Variants in MED27 observed in about 807,000 individuals in gnomAD.
The protein encoded by MED27 is mediator complex subunit 27, also known as mediator of RNA polymerase II transcription subunit 27.
A neutral mutation model predicts 38.2 loss-of-function variants in MED27; 30 were observed. The ratio of observed to expected loss-of-function variants is 0.79; its 90% confidence interval spans 0.59 to 1.07. The LOEUF (loss-of-function observed/expected upper bound fraction) is 1.07. Ranked by LOEUF, MED27 falls within the 50% of genes least tolerant of loss-of-function variation. The pLI is 0.00. For synonymous variants in MED27, 122 were observed against 153.5 expected, an observed-to-expected ratio of 0.79 and a Z score of 1.52; for missense variants, 289 against 397.5, an observed-to-expected ratio of 0.73 and a Z score of 2.32.
chr9:132,012,434 A>G (rs1247114584), intron 3 of MED27, among the ~76,000 whole-genome samples: 1 of 152,188 alleles, frequency 6.6e-6, no homozygotes, highest in Non-Finnish European at 1.5e-5. Context: ...CAACAGACAC[A>G]AGCTACTTGT....
intron 2 of MED27, among the ~76,000 whole-genome samples, chr9:132,026,162 G>C (rs561711882): frequency 2.0e-5 from 3 of 152,332 alleles, no homozygotes; most frequent in African/African-American, 7.2e-5. Flanking sequence ...AGCAGCAGCA[G>C]CCAGCTGGGA....
chr9:131,916,359 C>G (rs1463594392), intron 4 of MED27, among the ~76,000 whole-genome samples: 2 of 152,198 alleles, frequency 1.3e-5, no homozygotes, highest in South Asian at 4.1e-4. Flanking sequence ...ATCAGGACAA[C>G]CCGATTGTCT....
intron 4 of MED27, among the ~76,000 whole-genome samples, chr9:131,928,345 C>A (rs761822125): frequency 2.0e-5 from 3 of 152,120 alleles, no homozygotes; most frequent in Non-Finnish European, 4.4e-5. Flanking sequence ...GACCATCCCC[C>A]CTGCAGGAAC....
chr9:132,023,899 A>AT (rs1336300546), intron 2 of MED27, among the ~76,000 whole-genome samples: 10 of 151,848 alleles, frequency 6.6e-5, no homozygotes, highest in South Asian at 2.1e-4. Context: ...TTAAGAAGGA[A>AT]TTTTTTTTTA....
At chr9:132,055,613 TACTC>T (rs1178399887) in intron 2 of MED27, among the ~76,000 whole-genome samples, 2 of 152,228 alleles carry the variant, frequency 1.3e-5, no homozygotes, top group East Asian at 3.8e-4. Flanking sequence ...AGATGCCTTA[TACTC>T]ACTCATAGCA....
intron 3 of MED27, among the ~76,000 whole-genome samples, chr9:131,944,679 C>G (rs1186716412): frequency 6.6e-6 from 1 of 151,954 alleles, no homozygotes; most frequent in Non-Finnish European, 1.5e-5. Flanking sequence ...TTACAGGCAC[C>G]CGCCACCATG....
intron 3 of MED27, among the ~76,000 whole-genome samples, chr9:131,976,162 C>G (rs1831604185): frequency 6.6e-6 from 1 of 152,096 alleles, no homozygotes; most frequent in Admixed American, 6.5e-5. Context: ...CAGAGGAGTT[C>G]AAAGACACCT....
intron 4 of MED27, among the ~76,000 whole-genome samples, chr9:131,912,489 C>T (rs557981906): frequency 7.4e-4 from 113 of 152,270 alleles, no homozygotes; most frequent in African/African-American, 2.2e-3. Flanking sequence ...TCACTCACTC[C>T]CATGTCACTC....
intron 3 of MED27, among the ~76,000 whole-genome samples, chr9:131,974,432 G>C (rs760211077): frequency 2.6e-5 from 4 of 152,192 alleles, no homozygotes; most frequent in Non-Finnish European, 4.4e-5. Context: ...ACACAGTTCT[G>C]TTAGTAGACT....
chr9:132,040,631 C>T (rs1036739217), intron 2 of MED27, among the ~76,000 whole-genome samples: 4 of 152,230 alleles, frequency 2.6e-5, no homozygotes, highest in Non-Finnish European at 5.9e-5. Context: ...CCCAGACCTT[C>T]CAGCCCATCA....
intron 2 of MED27, among the ~76,000 whole-genome samples, chr9:132,050,961 C>G (rs1357459780): frequency 2.0e-5 from 3 of 152,198 alleles, no homozygotes. Context: ...TGAAAAGACT[C>G]AATGATGGCC....
intron 6 of MED27, among the ~76,000 whole-genome samples, chr9:131,877,451 C>T (rs12000377): frequency 1.1e-4 from 17 of 152,186 alleles, no homozygotes; most frequent in African/African-American, 3.9e-4. Context: ...CAGTGCACAC[C>T]TATAGTCTCA....
rs753936484 is a variant in MED27 at position 132,079,687 on chromosome 9, A to G, written c.158T>C (p.Ile53Thr). The G allele has an allele frequency of 1.9e-6, 3 of 1,613,048 alleles. No homozygotes were observed. The highest frequency in any genetic ancestry group is 1.1e-5 in the South Asian group (1 of 91,022). ...ETLEGREKAF[I>T]AHFQDNLHSV... Reference sequence around the variant, plus strand: ...ATGTAAGTTGTCCTGGAAGTGCGCAATAAAGGCCTTCTCCCGGCCCTCCAG... The same window carrying G: ...ATGTAAGTTGTCCTGGAAGTGCGCAGTAAAGGCCTTCTCCCGGCCCTCCAG... Residue 53 changes from isoleucine to threonine, a missense_variant, in exon 1 of 8, where the codon ATT (isoleucine) becomes ACT (threonine). Physicochemically the swap from Ile to Thr is moderately conservative, Grantham distance 89 (BLOSUM62 -1). Coordinates refer to ENST00000292035, the MANE Select transcript of MED27 (RefSeq NM_004269.4).
chr9:131,957,444 T>C (rs1379059671), intron 3 of MED27, among the ~76,000 whole-genome samples: 1 of 151,966 alleles, frequency 6.6e-6, no homozygotes, highest in Admixed American at 6.6e-5. Context: ...TTAGTAGAGG[T>C]AAGGTCTCTC....
intron 4 of MED27, among the ~76,000 whole-genome samples, chr9:131,908,126 T>TG (rs1199461729): frequency 2.2e-4 from 24 of 111,586 alleles, no homozygotes; most frequent in African/African-American, 5.6e-4. Context: ...GGGAGGGAGG[T>TG]GGGGGGGTCA....
At chr9:131,930,785 C>A (rs541726385) in intron 4 of MED27, among the ~76,000 whole-genome samples, 6 of 151,910 alleles carry the variant, frequency 3.9e-5, no homozygotes, top group South Asian at 4.2e-4. Context: ...ATGATCCAAT[C>A]AAAAATAATA....
In MED27 at chr9:131,897,566, C is replaced by T. The variant is rs113941209; in HGVS notation, c.574-3574G>A. ...TGCTTTTGGAACCCTTTGAGAAATA[C>T]GTACTGAAATATCTACAGATGAAGT... On this transcript the variant is annotated intron_variant, in intron 4 of 7. Coordinates refer to ENST00000292035, the MANE Select transcript of MED27 (RefSeq NM_004269.4). Among the ~76,000 whole-genome samples, 4 of 152,206 alleles carry T rather than the reference C, an allele frequency of 2.6e-5. 1 individual carries two copies. Among genetic ancestry groups the T allele is most frequent in the African/African-American group, 9.6e-5 (4 of 41,526 alleles).
intron 3 of MED27, among the ~76,000 whole-genome samples, chr9:131,988,667 G>A (rs963166584): frequency 2.0e-5 from 3 of 152,062 alleles, no homozygotes; most frequent in African/African-American, 7.2e-5. Context: ...TTGGGGGAGA[G>A]ACCAGGGTCT....
chr9:131,950,832 T>C (rs576333092), intron 3 of MED27, among the ~76,000 whole-genome samples: 14 of 152,288 alleles, frequency 9.2e-5, no homozygotes, highest in Admixed American at 6.5e-4. Context: ...TCAATAAACA[T>C]GTGGTGAACG....
Sources: allele counts gnomAD v4.1 joint callset (sites outside exome capture counted in the v4.1 genomes callset), GRCh38; gene constraint gnomAD v4.1.1; transcripts MANE v1.5; gene names NCBI Gene and HGNC (gene_info 2026-07-23, HGNC 2026-07-21).